The following HMGXB3 variants were observed in gnomAD, a reference collection of about 807,000 sequenced individuals.
HMGXB3 encodes the protein HMG-box containing 3.
HMGXB3 carries 45 observed loss-of-function variants against 121.5 expected under a neutral mutation model. The ratio of observed to expected loss-of-function variants is 0.37; its 90% confidence interval spans 0.29 to 0.47. The LOEUF (loss-of-function observed/expected upper bound fraction) is 0.47. Ranked by LOEUF, HMGXB3 falls within the 20% of genes least tolerant of loss-of-function variation. The pLI, the probability that HMGXB3 is intolerant of heterozygous loss-of-function variation, is 0.99. For missense variants in HMGXB3, 1,376 were observed against 1,602.2 expected (o/e 0.86, Z 2.41); for synonymous variants, 590 against 624.1 (o/e 0.95, Z 0.81).
chr5:150,013,694 T>A (rs1348492296), intron 5 of HMGXB3, among the ~76,000 whole-genome samples: 1 of 152,234 alleles, frequency 6.6e-6, no homozygotes, highest in Non-Finnish European at 1.5e-5. Flanking sequence ...AAAATATGTA[T>A]AGGACTATTC....
At chr5:150,006,832 T>G (rs932052183) in intron 3 of HMGXB3, among the ~76,000 whole-genome samples, 185 bp downstream of exon 3, 1 of 152,222 alleles carries the variant, frequency 6.6e-6, no homozygotes, top group Non-Finnish European at 1.5e-5. Flanking sequence ...TCCTCTTCGG[T>G]TGCAGCAATA....
chr5:150,009,752 G>A (rs546853950), intron 3 of HMGXB3, among the ~76,000 whole-genome samples: 3 of 152,346 alleles, frequency 2.0e-5, no homozygotes, highest in Non-Finnish European at 2.9e-5. Flanking sequence ...TTGTTTTACA[G>A]ATGGGGCAGC....
At chr5:150,045,861 C>G (rs1184010943) in intron 16 of HMGXB3, among the ~76,000 whole-genome samples, 176 bp downstream of exon 16, 2 of 152,194 alleles carry the variant, frequency 1.3e-5, no homozygotes. Flanking sequence ...AGTTGTGGTG[C>G]AGAGTTTTGA....
At position 150,026,966 on chromosome 5, in the gene HMGXB3, T is replaced by A. The variant is rs568027740; in HGVS notation, c.1637-54T>A. 3.0e-4 allele frequency: 458 copies of A among 1,542,110 alleles called. No homozygotes were observed. In the Middle Eastern group the frequency reaches 3.2e-3, roughly 11 times the overall value. On this transcript the variant is annotated intron_variant, in intron 8 of 19. Coordinates refer to ENST00000502717, the MANE Select transcript of HMGXB3 (RefSeq NM_014983.3). ...GGGGGTTGAGAACGGACATAGAGAC[T>A]TGGGGAGACTCTGAATGCACTTAAG...
intron 17 of HMGXB3, 116 bp downstream of exon 17, chr5:150,047,873 G>A (rs1756796704): frequency 8.6e-7 from 1 of 1,169,522 alleles, no homozygotes; most frequent in Non-Finnish European, 1.2e-6. Context: ...ACAAGGTGCT[G>A]GCAGTCAGGG....
At chr5:150,022,011 G>A (rs1347511842) in intron 6 of HMGXB3, 33 of 369,872 alleles carry the variant, frequency 8.9e-5, no homozygotes, top group Admixed American at 7.3e-4. Flanking sequence ...CGGGCGGACC[G>A]CAGCTCCGCA....
Position 150,050,301 on chromosome 5 carries a change from A to G in HMGXB3, c.3251A>G (p.His1084Arg). The G allele has an allele frequency of 6.4e-7, 1 of 1,551,742 alleles. No individual in the cohort carries two copies. The highest frequency in any genetic ancestry group is 8.7e-7 in the Non-Finnish European group (1 of 1,146,980). ...YLVRGESARD[H>R]VDLLASSRHW... The stretch of plus-strand genomic sequence containing the variant: ...GTGCGAGGTGAGAGTGCCCGTGACC[A>G]TGTGGACCTGCTTGCCTCTTCCCGC... The change falls in exon 19 of 20, where the codon CAT (histidine) becomes CGT (arginine). Residue 1084 changes from histidine (H) to arginine (R), a missense_variant. This residue lies in a region of HMGXB3 where 1,116 missense variants were observed against 1,369.0 expected (regional missense o/e 0.82). Transcript: ENST00000502717.
At chr5:150,032,345 A>G in intron 10 of HMGXB3, 109 bp from the exon 11 acceptor site, 1 of 991,356 alleles carries the variant, frequency 1.0e-6, no homozygotes, top group Non-Finnish European at 1.5e-6. Context: ...TCTGGTTTGC[A>G]GTTGCCACTC....
intron 15 of HMGXB3, among the ~76,000 whole-genome samples, chr5:150,043,043 A>G (rs998072241): frequency 1.3e-5 from 2 of 152,256 alleles, no homozygotes; most frequent in African/African-American, 4.8e-5. Flanking sequence ...TGACAAAGTT[A>G]AACACAGGAA....
chr5:150,036,399 G>C (rs1049800672), intron 11 of HMGXB3, among the ~76,000 whole-genome samples: 14 of 152,044 alleles, frequency 9.2e-5, no homozygotes, highest in African/African-American at 2.9e-4. Flanking sequence ...AAAAATTTCA[G>C]ATTTCAGAGC....
At chr5:150,030,974 A>C in intron 10 of HMGXB3, 135 bp downstream of exon 10, 1 of 617,118 alleles carries the variant, frequency 1.6e-6, no homozygotes, top group South Asian at 2.0e-5. Context: ...ATTGTTAATG[A>C]TGAAGATCCC....
intron 11 of HMGXB3, among the ~76,000 whole-genome samples, chr5:150,035,609 C>T (rs1756483266): frequency 6.6e-6 from 1 of 152,062 alleles, no homozygotes. Context: ...AGTAAATAAG[C>T]AGAATCCTAC....
intron 3 of HMGXB3, among the ~76,000 whole-genome samples, chr5:150,008,967 T>A (rs1755770018): frequency 6.6e-6 from 1 of 152,224 alleles, no homozygotes; most frequent in Non-Finnish European, 1.5e-5. Context: ...CTCATCGACT[T>A]CTTGCTTTTG....
Position 150,032,549 on chromosome 5 carries a change from C to T in HMGXB3, c.1929C>T (p.Pro643=). ...ACAGGCACAAACCTCGAATTTGTCC[C>T]AGCTGTGGTGTTAACCTTGCCAAAG... ...YTNRHKPRIC[P]SCGVNLAKDR... is the part of the protein sequence containing the mutation. Residue 643 remains proline, a synonymous_variant, in exon 11 of 20, where the codon CCC becomes CCT. Transcript: ENST00000502717. The T allele has an allele frequency of 6.4e-7, 1 of 1,552,216 alleles. No homozygotes were observed. The highest frequency in any genetic ancestry group is 8.7e-7 in the Non-Finnish European group (1 of 1,147,098).
At position 150,051,849 on chromosome 5, in the gene HMGXB3, C is replaced by T. The variant is rs1041633108; in HGVS notation, c.3536C>T (p.Pro1179Leu). The change falls in exon 20 of 20, where the codon CCC becomes CTC. Residue 1179 changes from proline (P) to leucine (L), a missense_variant. Pro to Leu is a moderately conservative substitution (Grantham distance 98). Around this residue, in one of 2 missense-constraint regions of HMGXB3, gnomAD observed 260 missense variants for 233.2 expected, o/e 1.11. Transcript: ENST00000502717. ...CGCATCGTCCATGCAGGCCTACAGCCCAATCCTGGTGACCCCAGTGCTGGG... is the reference window on the plus strand; with the variant it reads ...CGCATCGTCCATGCAGGCCTACAGCTCAATCCTGGTGACCCCAGTGCTGGG... ...TRRIVHAGLQ[P>L]NPGDPSAGHH... 7.7e-6 allele frequency: 12 copies of T among 1,550,670 alleles called. No homozygotes were observed. In the Admixed American group the frequency reaches 1.4e-4, roughly 18 times the overall value.
chr5:150,028,674 C>T (rs1198774478), intron 9 of HMGXB3, among the ~76,000 whole-genome samples: 1 of 149,816 alleles, frequency 6.7e-6, no homozygotes, highest in Non-Finnish European at 1.5e-5. Flanking sequence ...TCAAGGAATC[C>T]TCCCAACTCA....
At chr5:150,005,926 A>T (rs1755692053) in intron 2 of HMGXB3, among the ~76,000 whole-genome samples, 2 of 152,188 alleles carry the variant, frequency 1.3e-5, no homozygotes, top group African/African-American at 4.8e-5. Context: ...CTTTAAAATC[A>T]TTCCTGCACA....
At chr5:150,004,440 T>C (rs1315371005) in intron 1 of HMGXB3, among the ~76,000 whole-genome samples, 1 of 152,242 alleles carries the variant, frequency 6.6e-6, no homozygotes. Context: ...GAACTTCTGA[T>C]TCCTGGCCAA....
At chr5:150,018,511 G>A in intron 5 of HMGXB3, 55 bp from the exon 6 acceptor site, 1 of 1,392,196 alleles carries the variant, frequency 7.2e-7, no homozygotes. Flanking sequence ...GATTATAGTG[G>A]TCATCAGTCT....
Sources: allele counts gnomAD v4.1 joint callset (sites outside exome capture counted in the v4.1 genomes callset), GRCh38; gene constraint gnomAD v4.1.1; regional missense constraint gnomAD v4.1.1; transcripts MANE v1.5; gene names NCBI Gene and HGNC (gene_info 2026-07-23, HGNC 2026-07-21).